The following DCBLD2 variants were observed in gnomAD, a reference collection of about 807,000 sequenced individuals.
DCBLD2 encodes the protein discoidin, CUB and LCCL domain containing 2.
In DCBLD2, 54 loss-of-function variants were observed where a neutral mutation model predicts 86.8. The observed-to-expected ratio is 0.62, with a 90% CI of 0.50 to 0.78. The LOEUF is 0.78. DCBLD2 is among the 30% of genes least tolerant of loss of function. DCBLD2 has a pLI of 0.00. For synonymous variants in DCBLD2, 354 were observed against 341.3 expected (o/e 1.04, Z -0.41); for missense variants, 908 against 954.2 (o/e 0.95, Z 0.64).
chr3:98,861,572 T>C (rs908378931), intron 2 of DCBLD2, among the ~76,000 whole-genome samples: 2 of 152,020 alleles, frequency 1.3e-5, no homozygotes, highest in African/African-American at 4.8e-5. Flanking sequence ...ATTAAGAAAC[T>C]CACTCAAAAC....
At chr3:98,862,584 T>C (rs1413753433) in intron 2 of DCBLD2, among the ~76,000 whole-genome samples, 1 of 152,212 alleles carries the variant, frequency 6.6e-6, no homozygotes, top group African/African-American at 2.4e-5. Context: ...TCCATAAACG[T>C]AATCCAGCAT....
At chr3:98,899,345 G>A (rs898435415) in intron 1 of DCBLD2, among the ~76,000 whole-genome samples, 1 of 150,638 alleles carries the variant, frequency 6.6e-6, no homozygotes, top group Non-Finnish European at 1.5e-5. Context: ...TCCGCCTCCC[G>A]GGTTCAAGCG....
intron 1 of DCBLD2, among the ~76,000 whole-genome samples, chr3:98,885,814 C>T (rs950767609): frequency 6.6e-6 from 1 of 151,468 alleles, no homozygotes; most frequent in African/African-American, 2.4e-5. Flanking sequence ...GAAGAGGACC[C>T]CACAGAAGCA....
chr3:98,868,025 G>A (rs1340192978), intron 2 of DCBLD2, among the ~76,000 whole-genome samples: 2 of 151,902 alleles, frequency 1.3e-5, no homozygotes, highest in African/African-American at 4.8e-5. Flanking sequence ...GGATGGTCTC[G>A]ATCTCCTGAC....
At chr3:98,807,143 C>G (rs1252881730) in intron 13 of DCBLD2, among the ~76,000 whole-genome samples, 1 of 152,162 alleles carries the variant, frequency 6.6e-6, no homozygotes, top group East Asian at 1.9e-4. Flanking sequence ...CAGACTGAAC[C>G]TCTATGGTTA....
chr3:98,893,373 C>G (rs976237031), intron 1 of DCBLD2, among the ~76,000 whole-genome samples: 4 of 147,790 alleles, frequency 2.7e-5, no homozygotes, highest in African/African-American at 1.0e-4. Context: ...TCAAAGACCA[C>G]TGTAGTAAGA....
chr3:98,867,378 T>C (rs900736906), intron 2 of DCBLD2, among the ~76,000 whole-genome samples: 5 of 152,226 alleles, frequency 3.3e-5, no homozygotes, highest in Non-Finnish European at 7.3e-5. Flanking sequence ...TTTTATTTCA[T>C]TGAGCAGTGG....
chr3:98,847,658 C>T (rs1308668968), intron 3 of DCBLD2, among the ~76,000 whole-genome samples: 1 of 152,146 alleles, frequency 6.6e-6, no homozygotes, highest in Non-Finnish European at 1.5e-5. Context: ...TCCCAGTGCC[C>T]AGCATTCTCA....
intron 1 of DCBLD2, among the ~76,000 whole-genome samples, chr3:98,889,605 A>G (rs1286813831): frequency 6.6e-6 from 1 of 152,012 alleles, no homozygotes; most frequent in African/African-American, 2.4e-5. Flanking sequence ...TAATTTTTCT[A>G]TAGTTGAAAA....
intron 2 of DCBLD2, among the ~76,000 whole-genome samples, chr3:98,874,967 G>A (rs1943343170): frequency 6.6e-6 from 1 of 152,104 alleles, no homozygotes; most frequent in Non-Finnish European, 1.5e-5. Flanking sequence ...GGCAACCTGA[G>A]CTCAGACACT....
In DCBLD2 at chr3:98,822,304, C is replaced by T. The variant is rs372659271; in HGVS notation, c.754G>A (p.Gly252Ser). The T allele has an allele frequency of 1.9e-4, 311 of 1,613,904 alleles. No homozygotes were observed. Among genetic ancestry groups the T allele is most frequent in the African/African-American group, 1.1e-4 (8 of 75,020 alleles). ...TTACTAATTACAACACTGATTTGGC[C>T]GCCCAACGTGTTTGACACTACTCCT... ...HAGVVSNTLG[G>S]QISVVISKGI... Residue 252 changes from glycine to serine, a missense_variant, in exon 6 of 16, where the codon GGC (glycine) becomes AGC (serine). Physicochemically the swap from Gly to Ser is moderately conservative, Grantham distance 56. This residue lies in a region of DCBLD2 where 606 missense variants were observed against 678.5 expected (regional missense o/e 0.89). Transcript: ENST00000326840.
chr3:98,847,804 T>C (rs556392755), intron 3 of DCBLD2, among the ~76,000 whole-genome samples: 1 of 152,158 alleles, frequency 6.6e-6, no homozygotes, highest in Non-Finnish European at 1.5e-5. Context: ...ATTGTTTTGA[T>C]ATATTCTTGT....
chr3:98,829,365 G>GTCATCTAGGTA (rs1942281983), intron 3 of DCBLD2, among the ~76,000 whole-genome samples: 2 of 152,064 alleles, frequency 1.3e-5, no homozygotes, highest in Admixed American at 1.3e-4. Context: ...ATGGGGGTTT[G>GTCATCTAGGTA]CTGTATCTTT....
intron 2 of DCBLD2, among the ~76,000 whole-genome samples, chr3:98,870,650 TAGAGAA>T (rs1327880394): frequency 2.4e-5 from 2 of 83,960 alleles, no homozygotes; most frequent in African/African-American, 9.8e-5. Context: ...GAAGAAGAGA[TAGAGAA>T]AGAGAGAGAG....
At chr3:98,836,602 T>G (rs1444441340) in intron 3 of DCBLD2, among the ~76,000 whole-genome samples, 1 of 146,360 alleles carries the variant, frequency 6.8e-6, no homozygotes, top group Non-Finnish European at 1.5e-5. Context: ...CTCAATGAGC[T>G]GTTGGGCACA....
chr3:98,807,473 AGCCAGACG>A (rs1941862423), intron 13 of DCBLD2, among the ~76,000 whole-genome samples: 2 of 152,176 alleles, frequency 1.3e-5, no homozygotes, highest in South Asian at 4.1e-4. Context: ...TTGATGAATG[AGCCAGACG>A]GCAGGCCCTC....
At chr3:98,878,151 A>G (rs2107519143) in intron 2 of DCBLD2, among the ~76,000 whole-genome samples, 1 of 152,334 alleles carries the variant, frequency 6.6e-6, no homozygotes, top group African/African-American at 2.4e-5. Context: ...AACATTTCAA[A>G]GAGTCTCCCA....
rs1423047332 is a variant in DCBLD2 at position 98,882,707 on chromosome 3, T to C, written c.206-940A>G. On this transcript the variant is annotated intron_variant, in intron 1 of 15. Transcript: ENST00000326840. Reference sequence around the variant, plus strand: ...TGTCCTTGTGGTAATTTGCTGAGAATGATGGTTTCCAGCTTCATCCATGTC... The same window carrying C: ...TGTCCTTGTGGTAATTTGCTGAGAACGATGGTTTCCAGCTTCATCCATGTC... Among the ~76,000 whole-genome samples the C allele has an allele frequency of 2.0e-5, 3 of 152,144 alleles. No individual in the cohort carries two copies. The East Asian group carries it at 5.8e-4, about 29-fold the overall frequency.
At chr3:98,804,462 A>G (rs954402090) in intron 13 of DCBLD2, among the ~76,000 whole-genome samples, 4 of 151,474 alleles carry the variant, frequency 2.6e-5, no homozygotes, top group Admixed American at 2.6e-4. Flanking sequence ...TCTTGCTAGC[A>G]GTCTATCAAT....
Sources: gnomAD v4.1 joint callset for allele counts (sites outside exome capture counted in the v4.1 genomes callset) on GRCh38, gnomAD v4.1.1 for gene constraint, gnomAD v4.1.1 regional missense constraint, MANE v1.5 for transcripts, NCBI Gene and HGNC (gene_info 2026-07-23, HGNC 2026-07-21) for gene names.